The following IGSF11 variants were observed in gnomAD, a reference collection of about 807,000 sequenced individuals.
IGSF11 encodes the protein CXADR like 1.
Under a neutral mutation model 41.0 loss-of-function variants are expected in IGSF11, and 22 were observed. The observed-to-expected ratio is 0.54, with a 90% CI of 0.38 to 0.77. The LOEUF (loss-of-function observed/expected upper bound fraction) is 0.77, where lower values mean the gene tolerates loss of function less well. IGSF11 is among the 30% of genes least tolerant of loss of function. The pLI is 0.00. For missense variants in IGSF11, 444 were observed against 530.8 expected (o/e 0.84, Z 1.61); for synonymous variants, 219 against 201.3 (o/e 1.09, Z -0.74).
chr3:119,029,173 T>TACACAC (rs66598029), intron 1 of IGSF11, among the ~76,000 whole-genome samples: 1,637 of 111,540 alleles, frequency 0.015, 34 homozygotes, highest in Middle Eastern at 0.021. Context: ...TTGGGGATAA[T>TACACAC]ACACACACAC....
At chr3:119,081,442 G>A (rs564919211) in intron 1 of IGSF11, among the ~76,000 whole-genome samples, 2 of 152,032 alleles carry the variant, frequency 1.3e-5, no homozygotes, top group Non-Finnish European at 2.9e-5. Context: ...GGGCAGCGTG[G>A]GTCCCTACCA....
intron 1 of IGSF11, among the ~76,000 whole-genome samples, chr3:119,074,127 A>C (rs1339567149): frequency 6.6e-6 from 1 of 152,246 alleles, no homozygotes; most frequent in Non-Finnish European, 1.5e-5. Flanking sequence ...AAGCTAACAA[A>C]GATATTTGGA....
At chr3:118,970,565 T>C (rs1219311286) in intron 1 of IGSF11, among the ~76,000 whole-genome samples, 3 of 152,332 alleles carry the variant, frequency 2.0e-5, no homozygotes, top group South Asian at 2.1e-4. Flanking sequence ...AGAAGCCAGT[T>C]TGAAGTGGAA....
chr3:119,108,328 G>C (rs1283461310), upstream of IGSF11, among the ~76,000 whole-genome samples: 1 of 138,964 alleles, frequency 7.2e-6, no homozygotes, highest in Admixed American at 7.2e-5. Flanking sequence ...GGATTCCTAA[G>C]TATTTTATTC....
chr3:118,938,324 A>G (rs1474129427), intron 1 of IGSF11, among the ~76,000 whole-genome samples: 1 of 152,160 alleles, frequency 6.6e-6, no homozygotes, highest in African/African-American at 2.4e-5. Flanking sequence ...TGCATTTCGC[A>G]TGGCCATTGA....
chr3:119,055,224 G>C (rs746226951), intron 1 of IGSF11, among the ~76,000 whole-genome samples: 1 of 152,128 alleles, frequency 6.6e-6, no homozygotes, highest in Middle Eastern at 3.4e-3. Context: ...ACAAAGATGG[G>C]GAAAAAACAG....
At chr3:118,973,530 A>C (rs1027613904) in intron 1 of IGSF11, among the ~76,000 whole-genome samples, 2 of 152,212 alleles carry the variant, frequency 1.3e-5, no homozygotes, top group Non-Finnish European at 2.9e-5. Context: ...AGCAACTTGA[A>C]ATACAAAGTG....
chr3:119,077,128 T>C (rs1413621053), intron 1 of IGSF11, among the ~76,000 whole-genome samples: 1 of 152,152 alleles, frequency 6.6e-6, no homozygotes, highest in African/African-American at 2.4e-5. Flanking sequence ...GGGACATGGA[T>C]GAAGCTGGAA....
At chr3:119,111,999 C>G (rs1426374293) in intron 1 of IGSF11, among the ~76,000 whole-genome samples, 2 of 152,134 alleles carry the variant, frequency 1.3e-5, no homozygotes, top group Non-Finnish European at 2.9e-5. Flanking sequence ...CAGTCTGCCC[C>G]CACTGGGTGG....
chr3:118,985,156 T>C (rs540526793), intron 1 of IGSF11, among the ~76,000 whole-genome samples: 13 of 152,332 alleles, frequency 8.5e-5, no homozygotes, highest in African/African-American at 2.6e-4. Flanking sequence ...CTTGGAGTTA[T>C]GTAAAGTATC....
In IGSF11 at chr3:118,901,768, T is replaced by G. The variant is rs1938888944; in HGVS notation, c.*752A>C. ...TGTATTTAAAAAAAAAAAAAAGCCT[T>G]TTATAAAAAAATATTTTTCCAGGAA... On this transcript the variant is annotated 3_prime_UTR_variant, in exon 7 of 7. Coordinates refer to ENST00000393775, the MANE Select transcript of IGSF11 (RefSeq NM_001015887.3). The G allele has an allele frequency of 6.6e-6, 1 of 151,942 alleles. No individual in the cohort carries two copies. The highest frequency in any genetic ancestry group is 1.5e-5 in the Non-Finnish European group (1 of 67,994). 9.4% of individuals were successfully genotyped at this position (151,942 alleles called of 1,614,324 possible). A position where few individuals can be genotyped will look rare whatever the true frequency, so the allele number is the denominator to read the frequency against.
upstream of IGSF11, among the ~76,000 whole-genome samples, chr3:119,038,995 G>A (rs916233679): frequency 6.6e-6 from 1 of 152,154 alleles, no homozygotes; most frequent in Non-Finnish European, 1.5e-5. Flanking sequence ...GCCAAAGGCT[G>A]CACAAAGGAA....
chr3:119,118,044 C>T (rs112159231), intron 1 of IGSF11, among the ~76,000 whole-genome samples: 6,681 of 152,262 alleles, frequency 0.044, 255 homozygotes, highest in South Asian at 0.18. Flanking sequence ...GCTGCTTTCA[C>T]GGGCTGGCAT....
At chr3:118,936,637 C>G (rs1943306521) in intron 1 of IGSF11, among the ~76,000 whole-genome samples, 2 of 152,082 alleles carry the variant, frequency 1.3e-5, no homozygotes, top group African/African-American at 4.8e-5. Flanking sequence ...CAGTCAACTC[C>G]ATGAATTCTG....
chr3:119,046,166 G>C (rs1941341693), intron 1 of IGSF11, among the ~76,000 whole-genome samples: 1 of 150,882 alleles, frequency 6.6e-6, no homozygotes, highest in Non-Finnish European at 1.5e-5. Context: ...CGAGCTGAGA[G>C]AAGAAGGCTT....
intron 1 of IGSF11, among the ~76,000 whole-genome samples, chr3:119,131,331 A>G (rs1319077736): frequency 6.6e-6 from 1 of 152,202 alleles, no homozygotes; most frequent in African/African-American, 2.4e-5. Context: ...AATGGGTACT[A>G]GAATAAACAG....
chr3:118,941,292 T>A, intron 1 of IGSF11, among the ~76,000 whole-genome samples: 1 of 152,038 alleles, frequency 6.6e-6, no homozygotes, highest in Non-Finnish European at 1.5e-5. Flanking sequence ...AAACAAACAG[T>A]CCAATTTTTT....
At chr3:119,097,132 T>C (rs1326960910) in intron 1 of IGSF11, among the ~76,000 whole-genome samples, 2 of 152,158 alleles carry the variant, frequency 1.3e-5, no homozygotes, top group South Asian at 4.1e-4. Context: ...TAATTTCCTT[T>C]GGCCATGTAA....
At chr3:118,910,038 C>T (rs1940076550) in intron 4 of IGSF11, among the ~76,000 whole-genome samples, 1 of 152,154 alleles carries the variant, frequency 6.6e-6, no homozygotes, top group Admixed American at 6.5e-5. Context: ...TATCACATGG[C>T]AAAAGCTACA....
Sources: allele counts gnomAD v4.1 joint callset (sites outside exome capture counted in the v4.1 genomes callset), GRCh38; gene constraint gnomAD v4.1.1; transcripts MANE v1.5; gene names NCBI Gene and HGNC (gene_info 2026-07-23, HGNC 2026-07-21).